CACNA2D1: variants seen among roughly 807,000 people sequenced by gnomAD.
CACNA2D1 encodes the protein calcium voltage-gated channel auxiliary subunit alpha2delta 1, also known as voltage-dependent calcium channel subunit alpha-2/delta-1.
A neutral mutation model predicts 171.5 loss-of-function variants in CACNA2D1; 53 were observed. The observed-to-expected ratio is 0.31, with a 90% CI of 0.25 to 0.39. The LOEUF (loss-of-function observed/expected upper bound fraction) is 0.39. Among genes scored for constraint, CACNA2D1 ranks in the 10% least tolerant of loss-of-function variants. The probability of loss-of-function intolerance (pLI) is 1.00; values close to 1 mark genes in which losing one functional copy is unlikely to be tolerated. For synonymous variants in CACNA2D1, 442 were observed against 443.1 expected, an observed-to-expected ratio of 1.00 and a Z score of 0.03; for missense variants, 903 against 1,299.8, an observed-to-expected ratio of 0.69 and a Z score of 4.69.
intron 1 of CACNA2D1, among the ~76,000 whole-genome samples, chr7:82,406,847 A>C (rs971731470): frequency 6.6e-5 from 10 of 152,110 alleles, no homozygotes; most frequent in Non-Finnish European, 1.2e-4. Flanking sequence ...TTGTCTCATT[A>C]ATTTGTTAAT....
At chr7:82,349,423 C>T in intron 2 of CACNA2D1, 145 bp downstream of exon 2, 1 of 757,588 alleles carries the variant, frequency 1.3e-6, no homozygotes, top group Non-Finnish European at 2.4e-6. Context: ...CTAGCAGTAC[C>T]AATGGTTTCT....
chr7:82,116,987 A>C, intron 6 of CACNA2D1, 57 bp downstream of exon 6: 1 of 1,593,972 alleles, frequency 6.3e-7, no homozygotes. Context: ...AAACATGGGA[A>C]ACATAAGACA....
chr7:82,288,697 AC>A lies in CACNA2D1; in HGVS notation c.294+46437del, dbSNP rs1563315076. 5.3e-5 allele frequency among the ~76,000 whole-genome samples: 8 copies of A among 152,256 alleles called. No individual in the cohort carries two copies. The East Asian group carries it at 1.5e-3, about 29-fold the overall frequency. On this transcript the variant is annotated intron_variant, in intron 3 of 38. Transcript: ENST00000356860. ...AGCATGAAGCTCTTCGTAATTTCCCACCTGACAACTGGGACCCAAAAGAACA... is the reference window on the plus strand; with the variant it reads ...AGCATGAAGCTCTTCGTAATTTCCCACTGACAACTGGGACCCAAAAGAACA...
rs200925361 is a variant in CACNA2D1, at chr7:81,991,283, A to AT, written c.1735-38dup. ...TTTAACGTGGTTATTATCACTTTACATTTTGTATGAATATATACGAAAAGT... is the reference window on the plus strand; with the variant it reads ...TTTAACGTGGTTATTATCACTTTACATTTTTGTATGAATATATACGAAAAGT... On this transcript the variant is annotated intron_variant, in intron 20 of 38. Transcript: ENST00000356860. 1.8e-3 allele frequency: 1,846 copies of AT among 1,018,294 alleles called. 12 individuals carry two copies. The East Asian group carries it at 0.019, about 10-fold the overall frequency. The allele number at this position is 1,018,294 out of a possible 1,614,324, so 63.1% of individuals were successfully genotyped here.
chr7:81,996,536 CCT>C (rs1798063417), intron 19 of CACNA2D1, among the ~76,000 whole-genome samples: 1 of 151,848 alleles, frequency 6.6e-6, no homozygotes, highest in South Asian at 2.1e-4. Context: ...AACTATTTGA[CCT>C]CTCTGTACCT....
intron 3 of CACNA2D1, among the ~76,000 whole-genome samples, chr7:82,242,325 T>A (rs1347986463): frequency 6.6e-6 from 1 of 152,098 alleles, no homozygotes; most frequent in Non-Finnish European, 1.5e-5. Flanking sequence ...TGAGACATAT[T>A]CAGAAGAAAG....
Position 82,443,408 on chromosome 7 carries a change from G to A in CACNA2D1, c.52C>T (p.Leu18Phe). Reference sequence around the variant, plus strand: ...GGCTCCTCCGACGAGGGGCCGATGAGCAAAGATTGGAAAAGTGTCAGAGTC... The same window carrying A: ...GGCTCCTCCGACGAGGGGCCGATGAACAAAGATTGGAAAAGTGTCAGAGTC... ...ALTLTLFQSL[L>F]IGPSSEEPFP... The change falls in exon 1 of 39, where the codon CTC becomes TTC. Residue 18 changes from leucine to phenylalanine, a missense_variant. Leu to Phe is a conservative substitution (Grantham distance 22). Around this residue, in one of 5 missense-constraint regions of CACNA2D1, gnomAD observed 41 missense variants for 27.6 expected, o/e 1.49. Coordinates refer to ENST00000356860, the MANE Select transcript of CACNA2D1 (RefSeq NM_000722.4). The A allele has an allele frequency of 6.2e-7, 1 of 1,606,742 alleles. No individual in the cohort carries two copies. The highest frequency in any genetic ancestry group is 1.3e-5 in the African/African-American group (1 of 74,446).
chr7:82,224,708 A>T (rs1198674426), intron 3 of CACNA2D1, among the ~76,000 whole-genome samples: 1 of 152,228 alleles, frequency 6.6e-6, no homozygotes, highest in Non-Finnish European at 1.5e-5. Context: ...GCTCCTGTTC[A>T]TCAATCATGT....
intron 3 of CACNA2D1, among the ~76,000 whole-genome samples, chr7:82,201,893 A>G (rs906262255): frequency 3.3e-5 from 5 of 152,090 alleles, no homozygotes; most frequent in Non-Finnish European, 7.4e-5. Context: ...ACATTCCCTT[A>G]CCTGTTCTTC....
chr7:82,003,803 G>C (rs562956557), intron 18 of CACNA2D1, among the ~76,000 whole-genome samples: 4 of 147,954 alleles, frequency 2.7e-5, no homozygotes, highest in Admixed American at 2.7e-4. Flanking sequence ...GGAGTGCAAT[G>C]GCGTGGTCTC....
At chr7:82,158,627 G>C (rs1044275552) in intron 4 of CACNA2D1, among the ~76,000 whole-genome samples, 1 of 151,854 alleles carries the variant, frequency 6.6e-6, no homozygotes, top group Non-Finnish European at 1.5e-5. Context: ...GAAGTCTTAG[G>C]TGAATAATTT....
At chr7:81,964,161 A>ACTTGAGTACCC (rs1365808545) in intron 33 of CACNA2D1, 46 bp downstream of exon 33, 7 of 1,610,508 alleles carry the variant, frequency 4.3e-6, no homozygotes, top group Non-Finnish European at 5.9e-6. Context: ...TACTGAGGAC[A>ACTTGAGTACCC]CTTGAGTACC....
chr7:82,165,533 A>C (rs1795361075), intron 4 of CACNA2D1, among the ~76,000 whole-genome samples: 3 of 152,086 alleles, frequency 2.0e-5, no homozygotes, highest in Admixed American at 2.0e-4. Context: ...TAACAATTTA[A>C]AGCCCATGGT....
chr7:82,410,614 G>T, intron 1 of CACNA2D1: 1 of 633,462 alleles, frequency 1.6e-6, no homozygotes, highest in Non-Finnish European at 2.0e-6. Flanking sequence ...GAGGCAGACT[G>T]CAAGAGAGAA....
At chr7:82,088,644 T>A (rs1202680282) in intron 6 of CACNA2D1, among the ~76,000 whole-genome samples, 1 of 152,156 alleles carries the variant, frequency 6.6e-6, no homozygotes, top group Non-Finnish European at 1.5e-5. Flanking sequence ...ATAAATTTTC[T>A]TTACGAAAAA....
intron 12 of CACNA2D1, among the ~76,000 whole-genome samples, chr7:82,022,372 G>A (rs530593455): frequency 1.3e-5 from 2 of 151,674 alleles, no homozygotes; most frequent in African/African-American, 2.4e-5. Context: ...TATGAACAAA[G>A]GTAGAGCCCT....
rs529040882 is a variant in CACNA2D1, at chr7:81,987,023, G to A, written c.1797-2312C>T. Among the ~76,000 whole-genome samples, 5 of 152,244 alleles carry A rather than the reference G, an allele frequency of 3.3e-5. No individual in the cohort carries two copies. In the East Asian group the frequency reaches 7.7e-4, roughly 24 times the overall value. On this transcript the variant is annotated intron_variant, in intron 21 of 38. Transcript: ENST00000356860. ...CAACTGCTAAAGTGTCACTGGATAAGCTTGGGTTACATCTAATATACCATA... is the reference window on the plus strand; with the variant it reads ...CAACTGCTAAAGTGTCACTGGATAAACTTGGGTTACATCTAATATACCATA...
chr7:82,045,266 A>G (rs1804424525), intron 10 of CACNA2D1, among the ~76,000 whole-genome samples: 1 of 152,158 alleles, frequency 6.6e-6, no homozygotes, highest in Non-Finnish European at 1.5e-5. Context: ...AAAATATTTC[A>G]ATATTTTAAC....
chr7:82,257,503 G>A (rs901466829), intron 3 of CACNA2D1, among the ~76,000 whole-genome samples: 1 of 152,188 alleles, frequency 6.6e-6, no homozygotes, highest in African/African-American at 2.4e-5. Context: ...AGCCAATGTG[G>A]TAATGCCTAA....
Sources: allele counts gnomAD v4.1 joint callset (sites outside exome capture counted in the v4.1 genomes callset), GRCh38; gene constraint gnomAD v4.1.1; regional missense constraint gnomAD v4.1.1; transcripts MANE v1.5; gene names NCBI Gene and HGNC (gene_info 2026-07-23, HGNC 2026-07-21).